The following ZNF138 variants were observed in gnomAD, a reference collection of about 807,000 sequenced individuals.
ZNF138 encodes zinc finger protein 138 (clone pHZ-32).
ZNF138 carries 33 observed loss-of-function variants against 33.0 expected under a neutral mutation model. The ratio of observed to expected loss-of-function variants is 1.00; its 90% confidence interval spans 0.76 to 1.34. The LOEUF (loss-of-function observed/expected upper bound fraction) is 1.34. Among genes scored for constraint, ZNF138 ranks in the 40% most tolerant of loss-of-function variants. The pLI is 0.00. For synonymous variants in ZNF138, 139 were observed against 120.4 expected (o/e 1.15, Z -1.01); for missense variants, 360 against 370.8 (o/e 0.97, Z 0.24).
chr7:64,829,490 G>A (rs995221169), intron 3 of ZNF138, among the ~76,000 whole-genome samples: 6 of 13,164 alleles, frequency 4.6e-4, no homozygotes, highest in Admixed American at 1.6e-3. Context: ...TCTCTTTGGC[G>A]TTTTGACTTT....
downstream of ZNF138, chr7:64,835,779 A>C (rs1790349547): frequency 6.6e-6 from 1 of 152,220 alleles, no homozygotes; most frequent in Admixed American, 6.5e-5. Context: ...ACTGCAGGCG[A>C]GTAGACAGAT....
At chr7:64,816,590 A>G (rs961096956) in intron 3 of ZNF138, among the ~76,000 whole-genome samples, 1 of 152,122 alleles carries the variant, frequency 6.6e-6, no homozygotes, top group African/African-American at 2.4e-5. Context: ...GTTTTAATGT[A>G]CTTTTTGTTT....
intron 1 of ZNF138, among the ~76,000 whole-genome samples, chr7:64,806,659 T>C (rs943332371): frequency 4.6e-5 from 7 of 152,336 alleles, no homozygotes; most frequent in South Asian, 4.1e-4. Flanking sequence ...ACCACAATTA[T>C]GTCTTTATCC....
At chr7:64,820,609 G>A (rs760899309) in intron 3 of ZNF138, among the ~76,000 whole-genome samples, 1 of 151,608 alleles carries the variant, frequency 6.6e-6, no homozygotes, top group Non-Finnish European at 1.5e-5. Flanking sequence ...TGTCACCCAG[G>A]CTGGAGTGCT....
chr7:64,845,221 A>G, the ZNF138 span, among the ~76,000 whole-genome samples: 6 of 152,228 alleles, frequency 3.9e-5, no homozygotes, highest in African/African-American at 1.2e-4. Flanking sequence ...ACTTAGAATA[A>G]TAATCTTCAG....
chr7:64,819,060 A>G (rs923810359), intron 3 of ZNF138, among the ~76,000 whole-genome samples: 2 of 152,118 alleles, frequency 1.3e-5, no homozygotes, highest in Admixed American at 6.6e-5. Context: ...TTTTACTTAC[A>G]TATTATTATT....
intron 2 of ZNF138, among the ~76,000 whole-genome samples, chr7:64,815,303 G>A (rs544899299): frequency 1.1e-4 from 17 of 152,096 alleles, no homozygotes; most frequent in East Asian, 5.8e-4. Context: ...ATTTATTGGC[G>A]TAAAGTGTTG....
chr7:64,832,048 A>G lies in ZNF138; in HGVS notation c.806A>G (p.His269Arg), dbSNP rs779913483. The change falls in exon 4 of 4, where the codon CAT becomes CGT. Residue 269 changes from histidine to arginine, a missense_variant. Coordinates refer to ENST00000307355, the MANE Select transcript of ZNF138 (RefSeq NM_001271639.2). ...AFKQSSHLTR[H>R]KIIHTEEKPY... ...AAACAGTCCTCACACCTTACTAGAC[A>G]TAAGATAATTCATACTGAAGAGAAA... The G allele has an allele frequency of 5.6e-6, 9 of 1,613,868 alleles. No homozygotes were observed. The Admixed American group carries it at 1.5e-4, about 27-fold the overall frequency.
intron 1 of ZNF138, among the ~76,000 whole-genome samples, chr7:64,814,397 G>A (rs1788443068): frequency 6.6e-6 from 1 of 152,134 alleles, no homozygotes; most frequent in African/African-American, 2.4e-5. Context: ...AGTACCATGT[G>A]TATGCTGATT....
intron 1 of ZNF138, among the ~76,000 whole-genome samples, chr7:64,808,184 C>CT (rs1361172182): frequency 1.3e-5 from 2 of 152,104 alleles, no homozygotes; most frequent in African/African-American, 2.4e-5. Context: ...AATTCTGCGT[C>CT]TGTCTCAGTG....
rs762900398 is a variant in ZNF138 at position 64,814,874 on chromosome 7, A to T, written c.4-44A>T. The stretch of plus-strand genomic sequence containing the variant: ...CAAATTTAAAATTCTGCCCATGGCT[A>T]CTTGGTTAATGTGTGTGTGTGTTTG... On this transcript the variant is annotated intron_variant, in intron 1 of 3. Transcript: ENST00000307355. 4.4e-6 allele frequency: 7 copies of T among 1,606,856 alleles called. No homozygotes were observed. In the South Asian group the frequency reaches 7.7e-5, roughly 18 times the overall value.
intron 3 of ZNF138, among the ~76,000 whole-genome samples, chr7:64,817,499 C>T (rs1788751188): frequency 6.6e-6 from 1 of 152,202 alleles, no homozygotes; most frequent in Non-Finnish European, 1.5e-5. Flanking sequence ...CCCTGGATCT[C>T]AGAGCTCTCT....
In ZNF138 at chr7:64,832,444, A is replaced by G. The variant is rs569841069; in HGVS notation, c.*242A>G. On this transcript the variant is annotated 3_prime_UTR_variant, in exon 4 of 4. Coordinates refer to ENST00000307355, the MANE Select transcript of ZNF138 (RefSeq NM_001271639.2). ...TGTAAAGAATGTGGAAAAGCTTTTCACCGATACTCAATCCTTAGTACACAT... is the reference window on the plus strand; with the variant it reads ...TGTAAAGAATGTGGAAAAGCTTTTCGCCGATACTCAATCCTTAGTACACAT... The G allele has an allele frequency of 4.7e-4, 665 of 1,425,946 alleles. 8 individuals carry two copies. In the South Asian group the frequency reaches 8.9e-3, roughly 19 times the overall value. The allele number at this position is 1,425,946 out of a possible 1,614,324, so 88.3% of individuals were successfully genotyped here.
chr7:64,813,637 T>A (rs1007108096), intron 1 of ZNF138, among the ~76,000 whole-genome samples: 1 of 152,094 alleles, frequency 6.6e-6, no homozygotes, highest in African/African-American at 2.4e-5. Context: ...GGTTTCACTG[T>A]GTTAGCCAGG....
At position 64,814,920 on chromosome 7, in the gene ZNF138, A is replaced by T. The variant is rs1289151975; in HGVS notation, c.6A>T (p.Gly2=). The T allele has an allele frequency of 6.2e-7, 1 of 1,612,708 alleles. No homozygotes were observed. Among genetic ancestry groups the T allele is most frequent in the South Asian group, 1.1e-5 (1 of 91,064 alleles). The change falls in exon 2 of 4, where the codon GGA becomes GGT. Residue 2 remains glycine, a splice_region_variant and synonymous_variant. Transcript: ENST00000307355. The part of the protein sequence containing the change: M[G]PLTFMDVAIE... ...GTTTGTGTGTGCGTGTTTTTCAGGGACCACTGACATTTATGGATGTGGCCA... is the reference window on the plus strand; with the variant it reads ...GTTTGTGTGTGCGTGTTTTTCAGGGTCCACTGACATTTATGGATGTGGCCA...
At chr7:64,846,819 G>A in the ZNF138 span, among the ~76,000 whole-genome samples, 1 of 152,102 alleles carries the variant, frequency 6.6e-6, no homozygotes, top group Non-Finnish European at 1.5e-5. Context: ...GGTGAGAGTG[G>A]ACATTTTTGT....
chr7:64,815,690 A>G (rs1185863227), intron 3 of ZNF138, 37 bp downstream of exon 3: 2 of 1,580,554 alleles, frequency 1.3e-6, no homozygotes, highest in South Asian at 1.1e-5. Context: ...CACAGATGAG[A>G]GGTCAAAGGC....
chr7:64,849,593 C>T, the ZNF138 span, among the ~76,000 whole-genome samples: 1 of 151,920 alleles, frequency 6.6e-6, no homozygotes, highest in East Asian at 1.9e-4. Flanking sequence ...TGAGCTTAGC[C>T]TCTGCTTGGG....
rs190912720 is a variant in ZNF138, at chr7:64,802,691, T to G, written c.3+8120T>G. ...TGGGCAAGATAAAAAATTCAGAGCT[T>G]AGTCCTCAGTTCCTAAATAAGATGG... On this transcript the variant is annotated intron_variant, in intron 1 of 3. Coordinates refer to ENST00000307355, the MANE Select transcript of ZNF138 (RefSeq NM_001271639.2). 3.3e-5 allele frequency among the ~76,000 whole-genome samples: 5 copies of G among 152,232 alleles called. No homozygotes were observed. The East Asian group carries it at 9.7e-4, about 29-fold the overall frequency.
Sources: allele counts gnomAD v4.1 joint callset (sites outside exome capture counted in the v4.1 genomes callset), GRCh38; gene constraint gnomAD v4.1.1; transcripts MANE v1.5; gene names NCBI Gene and HGNC (gene_info 2026-07-23, HGNC 2026-07-21).